The following ZNF367 variants were observed in gnomAD, a reference collection of about 807,000 sequenced individuals.
ZNF367 encodes the protein zinc finger protein 367.
In ZNF367, 11 loss-of-function variants were observed where a neutral mutation model predicts 31.8. The ratio of observed to expected loss-of-function variants is 0.35; its 90% CI spans 0.22 to 0.57. The LOEUF is 0.57. Among genes scored for constraint, ZNF367 ranks in the 20% least tolerant of loss-of-function variants. ZNF367 has a pLI of 0.85. For synonymous variants in ZNF367, 199 were observed against 202.4 expected (o/e 0.98, Z 0.14); for missense variants, 353 against 484.1 (o/e 0.73, Z 2.54).
intron 4 of ZNF367, among the ~76,000 whole-genome samples, chr9:96,390,618 T>C (rs1831460682): frequency 6.6e-6 from 1 of 152,040 alleles, no homozygotes. Flanking sequence ...GTGCGGTGGC[T>C]CATGCCTGTA....
At chr9:96,410,561 CAAAAAAAAAAA>C (rs35609930) in intron 1 of ZNF367, among the ~76,000 whole-genome samples, 1 of 69,604 alleles carries the variant, frequency 1.4e-5, no homozygotes, top group African/African-American at 4.7e-5. Flanking sequence ...GACTCCGTCT[CAAAAAAAAAAA>C]AAAAAAACAA....
intron 1 of ZNF367, among the ~76,000 whole-genome samples, chr9:96,409,841 TG>T (rs1282141580): frequency 1.3e-5 from 2 of 152,200 alleles, no homozygotes; most frequent in Non-Finnish European, 2.9e-5. Context: ...AATAATTTCA[TG>T]GATTATTGCT....
intron 4 of ZNF367, among the ~76,000 whole-genome samples, chr9:96,391,238 G>A (rs1371863894): frequency 2.0e-5 from 3 of 152,188 alleles, no homozygotes; most frequent in Non-Finnish European, 4.4e-5. Context: ...TCCCTGCCCG[G>A]GGAAGCTTTC....
intron 4 of ZNF367, among the ~76,000 whole-genome samples, chr9:96,389,896 AT>A (rs777507011): frequency 1.8e-3 from 165 of 94,038 alleles, no homozygotes; most frequent in Middle Eastern, 8.8e-3. Flanking sequence ...TGCCTGGCTA[AT>A]TTTTTTTTTT....
rs141651339 is a variant in ZNF367, at chr9:96,408,850, T to C, written c.420+8763A>G. On this transcript the variant is annotated intron_variant, in intron 1 of 4. Coordinates refer to ENST00000375256, the MANE Select transcript of ZNF367 (RefSeq NM_153695.4). ...TGCCCCTTTCACTGTGGGTCCAGAG[T>C]GCAACTTAGCCATATGACTTGCTTT... Among the ~76,000 whole-genome samples, 187 of 152,278 alleles carry C rather than the reference T, an allele frequency of 1.2e-3. 2 individuals are homozygous for C. The highest frequency in any genetic ancestry group is 4.2e-3 in the African/African-American group (174 of 41,552).
At chr9:96,408,997 A>G (rs958189295) in intron 1 of ZNF367, among the ~76,000 whole-genome samples, 1 of 152,208 alleles carries the variant, frequency 6.6e-6, no homozygotes, top group South Asian at 2.1e-4. Context: ...TCTGGGTCAT[A>G]AAGACAGATC....
intron 1 of ZNF367, among the ~76,000 whole-genome samples, chr9:96,402,563 C>T (rs1831619955): frequency 6.8e-6 from 1 of 147,358 alleles, no homozygotes; most frequent in African/African-American, 2.5e-5. Flanking sequence ...AGCGATTCTC[C>T]TGCCTCAGCC....
intron 1 of ZNF367, among the ~76,000 whole-genome samples, chr9:96,410,803 G>A (rs897996610): frequency 2.6e-5 from 4 of 151,186 alleles, no homozygotes; most frequent in Non-Finnish European, 4.4e-5. Context: ...GCTTGAACCC[G>A]GGAGACAGAG....
At chr9:96,402,992 C>T (rs1322545674) in intron 1 of ZNF367, among the ~76,000 whole-genome samples, 4 of 148,860 alleles carry the variant, frequency 2.7e-5, no homozygotes, top group African/African-American at 7.5e-5. Context: ...TTTTTTGAGA[C>T]GGAGTCTTGC....
At position 96,418,043 on chromosome 9, in the gene ZNF367, G is replaced by C; in HGVS notation, c.-11C>G. ...GAAGCCCCGGATCATCGCCCGGCCC[G>C]ACCCCCAGCTCCGGCGGCCCCGGGC... On this transcript the variant is annotated 5_prime_UTR_variant, in exon 1 of 5. Coordinates refer to ENST00000375256, the MANE Select transcript of ZNF367 (RefSeq NM_153695.4). 7.3e-7 allele frequency: 1 copy of C among 1,360,564 alleles called. No homozygotes were observed. Among genetic ancestry groups the C allele is most frequent in the South Asian group, 1.7e-5 (1 of 58,188 alleles). The allele number at this position is 1,360,564 out of a possible 1,614,324, so 84.3% of individuals were successfully genotyped here.
At chr9:96,415,555 T>C (rs1457837026) in intron 1 of ZNF367, among the ~76,000 whole-genome samples, 1 of 122,066 alleles carries the variant, frequency 8.2e-6, no homozygotes, top group African/African-American at 3.1e-5. Context: ...TGGAGTGCAA[T>C]GGCGCAATCT....
Position 96,406,423 on chromosome 9 carries a change from T to C in ZNF367, c.421-8109A>G, listed in dbSNP as rs1025667096. Among the ~76,000 whole-genome samples, 3 of 152,242 alleles carry C rather than the reference T, an allele frequency of 2.0e-5. No individual in the cohort carries two copies. The South Asian group carries it at 6.2e-4, about 31-fold the overall frequency. On this transcript the variant is annotated intron_variant, in intron 1 of 4. Coordinates refer to ENST00000375256, the MANE Select transcript of ZNF367 (RefSeq NM_153695.4). ...TTATCTTCTAGGATAAATCATGTTT[T>C]ATGAAAATCCTTAGATATTAAAATC...
chr9:96,414,746 G>T (rs1291669751), intron 1 of ZNF367, among the ~76,000 whole-genome samples: 1 of 152,176 alleles, frequency 6.6e-6, no homozygotes, highest in Non-Finnish European at 1.5e-5. Flanking sequence ...AAAGTGCTGG[G>T]ATTACAGGCG....
chr9:96,417,617 A>G lies in ZNF367; in HGVS notation c.416T>C (p.Leu139Pro). 2 of 596,052 alleles carry G rather than the reference A, an allele frequency of 3.4e-6. No individual in the cohort carries two copies. Among genetic ancestry groups the G allele is most frequent in the Non-Finnish European group, 4.8e-6 (2 of 414,768 alleles). The allele number at this position is 596,052 out of a possible 1,614,324, so 36.9% of individuals were successfully genotyped here. A position where few individuals can be genotyped will look rare whatever the true frequency, so the allele number is the denominator to read the frequency against. ...EEASSPDSGHLKDGIRRGRPR... is the reference protein window; with the variant it reads ...EEASSPDSGHPKDGIRRGRPR... ...CCGCCCGCCCGCGCCGCTCACCTTGAGGTGGCCGCTGTCTGGGCTGCTCGC... is the reference window on the plus strand; with the variant it reads ...CCGCCCGCCCGCGCCGCTCACCTTGGGGTGGCCGCTGTCTGGGCTGCTCGC... Residue 139 changes from leucine to proline, a missense_variant, in exon 1 of 5, where the codon CTC becomes CCC. By Grantham distance (98) the Leu-to-Pro change is moderately conservative. This residue lies in a region of ZNF367 where 70 missense variants were observed against 57.1 expected (regional missense o/e 1.23). Transcript: ENST00000375256. This position sits in a 1 kb window ranked among gnomAD's most constrained non-coding sequence, Gnocchi z 5.0.
In ZNF367 at chr9:96,418,270, G is replaced by C; in HGVS notation, c.-238C>G. 1 of 502,932 alleles carries C rather than the reference G, an allele frequency of 2.0e-6. No homozygotes were observed. The highest frequency in any genetic ancestry group is 3.1e-6 in the Non-Finnish European group (1 of 322,962). 31.2% of individuals were successfully genotyped at this position (502,932 alleles called of 1,614,324 possible). ...CCGCTCTTTGTACTCCGCAGCGCAG[G>C]CTGCAGGGGTGGGAAGCAGCGGGCG... On this transcript the variant is annotated 5_prime_UTR_variant, in exon 1 of 5. Coordinates refer to ENST00000375256, the MANE Select transcript of ZNF367 (RefSeq NM_153695.4).
At chr9:96,412,130 C>A (rs1777547297) in intron 1 of ZNF367, among the ~76,000 whole-genome samples, 1 of 152,160 alleles carries the variant, frequency 6.6e-6, no homozygotes, top group African/African-American at 2.4e-5. Flanking sequence ...GACCCTCTTC[C>A]TTTTGGCCTT....
intron 1 of ZNF367, among the ~76,000 whole-genome samples, chr9:96,408,104 C>T (rs932164558): frequency 6.6e-6 from 1 of 152,034 alleles, no homozygotes; most frequent in Admixed American, 6.6e-5. Flanking sequence ...GGAGATATAC[C>T]TAATGTAAAT....
At chr9:96,414,874 T>C (rs931617220) in intron 1 of ZNF367, among the ~76,000 whole-genome samples, 3 of 152,174 alleles carry the variant, frequency 2.0e-5, no homozygotes, top group African/African-American at 7.2e-5. Flanking sequence ...ATTAATCTTC[T>C]TGGGTGATCC....
At chr9:96,392,243 C>T (rs35592391) in intron 4 of ZNF367, 155 bp downstream of exon 4, 37,747 of 1,173,386 alleles carry the variant, frequency 0.032, 725 homozygotes, top group South Asian at 0.051. Flanking sequence ...ATACCACTCA[C>T]AACAATTTTA....
Sources: allele counts gnomAD v4.1 joint callset (sites outside exome capture counted in the v4.1 genomes callset), GRCh38; gene constraint gnomAD v4.1.1; regional missense constraint gnomAD v4.1.1; non-coding constraint Gnocchi (gnomAD v3.1); transcripts MANE v1.5; gene names NCBI Gene and HGNC (gene_info 2026-07-23, HGNC 2026-07-21).